The following LAMB1 variants were observed in gnomAD, a reference collection of about 807,000 sequenced individuals.
LAMB1 encodes laminin subunit beta-1.
LAMB1 carries 121 observed loss-of-function variants against 222.3 expected under a neutral mutation model. That is an observed-to-expected ratio of 0.54 (90% CI 0.47 to 0.63). The LOEUF is 0.63. Among genes scored for constraint, LAMB1 ranks in the 30% least tolerant of loss-of-function variants. LAMB1 has a pLI of 0.00. For synonymous variants in LAMB1, 794 were observed against 807.2 expected (o/e 0.98, Z 0.28); for missense variants, 2,172 against 2,240.8 (o/e 0.97, Z 0.62).
At chr7:107,929,010 G>A (rs903359856) in intron 31 of LAMB1, 54 bp downstream of exon 31, 2 of 1,523,814 alleles carry the variant, frequency 1.3e-6, no homozygotes, top group Middle Eastern at 2.1e-4. Flanking sequence ...GTACTTTTCT[G>A]GTAAGTGTAT....
intron 7 of LAMB1, among the ~76,000 whole-genome samples, chr7:107,983,749 C>G (rs1030397708): frequency 6.6e-6 from 1 of 152,010 alleles, no homozygotes; most frequent in South Asian, 2.1e-4. Context: ...AACTCCTGAC[C>G]TCGTGATCCA....
At chr7:107,948,220 C>G (rs1367643390) in intron 24 of LAMB1, among the ~76,000 whole-genome samples, 1 of 152,146 alleles carries the variant, frequency 6.6e-6, no homozygotes, top group Admixed American at 6.5e-5. Flanking sequence ...CTCCTGACCT[C>G]AAGTGATCCG....
At chr7:107,951,166 G>A (rs2116392805) in intron 24 of LAMB1, 60 bp downstream of exon 24, 1 of 1,264,568 alleles carries the variant, frequency 7.9e-7, no homozygotes, top group East Asian at 2.3e-5. Context: ...GAAGGCTCTT[G>A]TAGAACCCCA....
rs748994010 is a variant in LAMB1, at chr7:107,926,356, C to CA, written c.4890dup (p.Glu1631Ter). The CA allele has an allele frequency of 1.2e-6, 2 of 1,613,028 alleles. No homozygotes were observed. On this transcript the variant is annotated frameshift_variant, in exon 32 of 34. Transcript: ENST00000222399. LOFTEE classifies it high-confidence loss of function. ...TCCTCAGAAGCTGCTGTTTCAGACT[C>CA]AATCTAAAAGCATGTCAATTTTCCA...
chr7:107,960,547 G>A lies in LAMB1; in HGVS notation c.2212C>T (p.Arg738Ter), dbSNP rs765364704. The change falls in exon 18 of 34, where the codon CGA (arginine) becomes TGA (stop). Residue 738 changes from arginine to a stop codon, truncating the protein, a stop_gained. Coordinates refer to ENST00000222399, the MANE Select transcript of LAMB1 (RefSeq NM_002291.3). LOFTEE classifies it high-confidence loss of function. ...NSAWETFQRY[R>*]CLENSRSVVK... is the part of the protein sequence containing the mutation. Reference sequence around the variant, plus strand: ...ACGCTTCTGCTGTTCTCTAGACATCGGTATCTCTGAAAGGTTTCCCAGGCA... The same window carrying A: ...ACGCTTCTGCTGTTCTCTAGACATCAGTATCTCTGAAAGGTTTCCCAGGCA... 9 of 1,613,962 alleles carry A rather than the reference G, an allele frequency of 5.6e-6. No homozygotes were observed. The highest frequency in any genetic ancestry group is 7.6e-6 in the Non-Finnish European group (9 of 1,179,820).
At chr7:107,931,271 C>G in intron 29 of LAMB1, 85 bp downstream of exon 29, 2 of 1,251,182 alleles carry the variant, frequency 1.6e-6, no homozygotes, top group Non-Finnish European at 2.3e-6. Context: ...ACTTAGTACC[C>G]TGACAGAAAT....
At chr7:107,975,486 C>G (rs1036880970) in intron 10 of LAMB1, 73 bp from the exon 11 acceptor site, 10 of 1,394,998 alleles carry the variant, frequency 7.2e-6, no homozygotes, top group Non-Finnish European at 9.6e-6. Flanking sequence ...TACATATATT[C>G]CCTTCCTCCC....
At chr7:107,931,269 C>A in intron 29 of LAMB1, 87 bp downstream of exon 29, 397 of 1,060,396 alleles carry the variant, frequency 3.7e-4, no homozygotes, top group East Asian at 9.2e-4. Flanking sequence ...TCACTTAGTA[C>A]CCTGACAGAA....
chr7:107,964,757 A>G, intron 13 of LAMB1, 70 bp from the exon 14 acceptor site: 1 of 1,565,284 alleles, frequency 6.4e-7, no homozygotes, highest in Non-Finnish European at 8.7e-7. Flanking sequence ...AAGCAGCTCT[A>G]CAGCTGCCAT....
intron 14 of LAMB1, among the ~76,000 whole-genome samples, chr7:107,963,627 T>A (rs2033560550): frequency 6.6e-6 from 1 of 152,242 alleles, no homozygotes; most frequent in Admixed American, 6.5e-5. Flanking sequence ...CCTGTATGTA[T>A]CTGTATGTAC....
rs77307306 is a variant in LAMB1, at chr7:107,939,658, C to T, written c.3761+331G>A. On this transcript the variant is annotated intron_variant, in intron 25 of 33. Coordinates refer to ENST00000222399, the MANE Select transcript of LAMB1 (RefSeq NM_002291.3). ...CAAGTTCACAAGCCTAGCATCAGAG[C>T]CAAGACTCAATTATGGATCTTTGTC... Among the ~76,000 whole-genome samples, 2,118 of 152,228 alleles carry T rather than the reference C, an allele frequency of 0.014. 44 individuals are homozygous for T. Among genetic ancestry groups the T allele is most frequent in the African/African-American group, 0.049 (2,016 of 41,494 alleles).
chr7:107,967,838 A>G (rs2033665407), intron 13 of LAMB1, among the ~76,000 whole-genome samples: 1 of 152,222 alleles, frequency 6.6e-6, no homozygotes. Flanking sequence ...CCAATGCAAC[A>G]AATCAAAATG....
At chr7:107,964,783 A>G (rs2033594462) in intron 13 of LAMB1, 96 bp from the exon 14 acceptor site, 2 of 1,319,212 alleles carry the variant, frequency 1.5e-6, no homozygotes, top group Non-Finnish European at 2.1e-6. Context: ...AGTACACAGG[A>G]CCAAATACAT....
chr7:107,931,493 T>G lies in LAMB1; in HGVS notation c.4400A>C (p.Glu1467Ala). The change falls in exon 29 of 34, where the codon GAA becomes GCA. Residue 1467 changes from glutamate to alanine, a missense_variant. Transcript: ENST00000222399. ...EVEQLSKMVS[E>A]AKLRADEAKQ... ...TGCCTCATCTGCCCTCAGTTTTGCT[T>G]CAGAGACCTAAATATGAAGAATAAA... The G allele has an allele frequency of 6.2e-7, 1 of 1,613,264 alleles. No homozygotes were observed. The highest frequency in any genetic ancestry group is 8.5e-7 in the Non-Finnish European group (1 of 1,179,712).
chr7:107,966,711 C>T (rs922314593), intron 13 of LAMB1, among the ~76,000 whole-genome samples: 3 of 152,194 alleles, frequency 2.0e-5, no homozygotes, highest in African/African-American at 7.2e-5. Flanking sequence ...AAAACATGAA[C>T]CACCAAAGAA....
intron 21 of LAMB1, among the ~76,000 whole-genome samples, chr7:107,954,683 C>T (rs192379260): frequency 9.2e-5 from 14 of 152,070 alleles, no homozygotes; most frequent in Admixed American, 8.5e-4. Flanking sequence ...CCCAGCTACT[C>T]GGGAGGCTGA....
chr7:107,989,228 C>G (rs2034137592), intron 5 of LAMB1, among the ~76,000 whole-genome samples: 1 of 152,134 alleles, frequency 6.6e-6, no homozygotes, highest in Non-Finnish European at 1.5e-5. Flanking sequence ...GAAAAATAGG[C>G]AAACAGGCAA....
At position 107,952,198 on chromosome 7, in the gene LAMB1, G is replaced by A. The variant is rs760997560; in HGVS notation, c.3105C>T (p.Thr1035=). Residue 1035 remains threonine (T), a synonymous_variant, in exon 23 of 34, where the codon ACC becomes ACT. Transcript: ENST00000222399. The part of the protein sequence containing the change: ...CRKCVCNYLG[T]VQEHCNGSDC... ...CAGAGCCGTTACAGTGCTCTTGCAC[G>A]GTGCCCAGGTAATTACAGACACACT... 8.1e-6 allele frequency: 13 copies of A among 1,607,014 alleles called. No individual in the cohort carries two copies. The highest frequency in any genetic ancestry group is 2.2e-5 in the East Asian group (1 of 44,714).
rs777888220 is a variant in LAMB1, at chr7:107,937,077, A to C, written c.3946+16T>G. 3.1e-6 allele frequency: 5 copies of C among 1,607,254 alleles called. No homozygotes were observed. The highest frequency in any genetic ancestry group is 1.7e-5 in the Admixed American group (1 of 59,814). On this transcript the variant is annotated intron_variant, in intron 26 of 33. Coordinates refer to ENST00000222399, the MANE Select transcript of LAMB1 (RefSeq NM_002291.3). The stretch of plus-strand genomic sequence containing the variant: ...AAATCCATTGTCTGGGACTATTTGC[A>C]CCAAAAAATGCTCACCCCGAATATC...
Sources: allele counts gnomAD v4.1 joint callset (sites outside exome capture counted in the v4.1 genomes callset), GRCh38; gene constraint gnomAD v4.1.1; transcripts MANE v1.5; gene names NCBI Gene and HGNC (gene_info 2026-07-23, HGNC 2026-07-21).